Variants in PPP1R14C observed in about 807,000 individuals in gnomAD.
PPP1R14C encodes protein phosphatase 1 regulatory inhibitor subunit 14C.
Under a neutral mutation model 20.4 loss-of-function variants are expected in PPP1R14C, and 16 were observed. The observed-to-expected ratio is 0.78, with a 90% confidence interval of 0.53 to 1.19. The LOEUF (loss-of-function observed/expected upper bound fraction) is 1.19. PPP1R14C is among the 50% of genes most tolerant of loss of function. The probability of loss-of-function intolerance (pLI) is 0.00; values close to 1 mark genes in which losing one functional copy is unlikely to be tolerated. For synonymous variants in PPP1R14C, 91 were observed against 91.0 expected, an observed-to-expected ratio of 1.00 and a Z score of 0.00; for missense variants, 211 against 220.1, an observed-to-expected ratio of 0.96 and a Z score of 0.26.
chr6:150,153,041 CAAG>C (rs1304555369), intron 1 of PPP1R14C, among the ~76,000 whole-genome samples: 2 of 152,204 alleles, frequency 1.3e-5, no homozygotes, highest in Non-Finnish European at 2.9e-5. Flanking sequence ...GAAAGCACAG[CAAG>C]AAGATGGAAG....
chr6:150,197,788 C>T (rs1777824414), intron 1 of PPP1R14C, among the ~76,000 whole-genome samples: 1 of 147,730 alleles, frequency 6.8e-6, no homozygotes, highest in Non-Finnish European at 1.5e-5. Flanking sequence ...TGGAGGAGGG[C>T]CTGGATGCCC....
At chr6:150,248,687 T>C in intron 3 of PPP1R14C, 59 bp from the exon 4 acceptor site, 1 of 1,229,678 alleles carries the variant, frequency 8.1e-7, no homozygotes, top group Non-Finnish European at 1.2e-6. Flanking sequence ...TTTAAGCAGA[T>C]TTTTAAACAC....
intron 3 of PPP1R14C, among the ~76,000 whole-genome samples, chr6:150,232,366 C>G (rs1214985775): frequency 6.6e-6 from 1 of 152,160 alleles, no homozygotes; most frequent in Non-Finnish European, 1.5e-5. Context: ...TTTTCCCAAA[C>G]TGTGGAGCTT....
chr6:150,145,316 C>T (rs1359214219), intron 1 of PPP1R14C, among the ~76,000 whole-genome samples: 2 of 152,120 alleles, frequency 1.3e-5, no homozygotes, highest in East Asian at 1.9e-4. Flanking sequence ...ATCTTCAACC[C>T]GTAGCAAACA....
intron 1 of PPP1R14C, among the ~76,000 whole-genome samples, chr6:150,152,625 G>C (rs34258154): frequency 0.13 from 19,156 of 151,470 alleles, 1,573 homozygotes; most frequent in East Asian, 0.46. Context: ...GCTTGCACCT[G>C]TTCTTAGCCT....
chr6:150,147,164 G>A (rs1323294817), intron 1 of PPP1R14C, among the ~76,000 whole-genome samples: 1 of 149,970 alleles, frequency 6.7e-6, no homozygotes, highest in Non-Finnish European at 1.5e-5. Flanking sequence ...AACCCTGGTG[G>A]GTTTTTTTTG....
chr6:150,240,304 AG>A (rs1186236163), intron 3 of PPP1R14C, among the ~76,000 whole-genome samples: 10 of 152,246 alleles, frequency 6.6e-5, no homozygotes, highest in African/African-American at 2.4e-4. Context: ...TTACCAGTGG[AG>A]AATGTCCAGG....
chr6:150,241,038 G>C (rs934491409), intron 3 of PPP1R14C, among the ~76,000 whole-genome samples: 2 of 151,972 alleles, frequency 1.3e-5, no homozygotes, highest in Non-Finnish European at 2.9e-5. Flanking sequence ...TTCTAATGAG[G>C]CATGTCTTGG....
chr6:150,191,378 G>A (rs1490058104), intron 1 of PPP1R14C, among the ~76,000 whole-genome samples: 1 of 152,180 alleles, frequency 6.6e-6, no homozygotes, highest in African/African-American at 2.4e-5. Context: ...AACAATGCCT[G>A]GCATATAGCA....
At chr6:150,230,931 A>G (rs1212640380) in intron 3 of PPP1R14C, among the ~76,000 whole-genome samples, 1 of 152,234 alleles carries the variant, frequency 6.6e-6, no homozygotes, top group East Asian at 1.9e-4. Flanking sequence ...ATTACTTTGA[A>G]TGACTAGGGA....
At chr6:150,186,777 G>C (rs533119478) in intron 1 of PPP1R14C, among the ~76,000 whole-genome samples, 25 of 152,194 alleles carry the variant, frequency 1.6e-4, no homozygotes, top group African/African-American at 6.0e-4. Context: ...GGGGAAGAAA[G>C]GGGGAGAAAG....
rs146962472 is a variant in PPP1R14C at position 150,209,654 on chromosome 6, G to A, written c.307-5090G>A. 6.6e-3 allele frequency among the ~76,000 whole-genome samples: 999 copies of A among 151,588 alleles called. 11 individuals carry two copies. Among genetic ancestry groups the A allele is most frequent in the African/African-American group, 0.023 (963 of 41,244 alleles). ...TATTCATGTTTGTGTATTCATCCAT[G>A]TGTGTATTCACATGGAGTGTATGTT... is the stretch of plus-strand genomic sequence containing the variant. On this transcript the variant is annotated intron_variant, in intron 1 of 3. Coordinates refer to ENST00000361131, the MANE Select transcript of PPP1R14C (RefSeq NM_030949.3).
At chr6:150,239,613 A>C (rs952789192) in intron 3 of PPP1R14C, among the ~76,000 whole-genome samples, 3 of 152,238 alleles carry the variant, frequency 2.0e-5, no homozygotes, top group African/African-American at 7.2e-5. Flanking sequence ...AACATATAGC[A>C]GTAAATGTCT....
intron 1 of PPP1R14C, among the ~76,000 whole-genome samples, chr6:150,160,484 A>G (rs925380325): frequency 5.3e-5 from 8 of 149,712 alleles, no homozygotes; most frequent in African/African-American, 2.0e-4. Flanking sequence ...CGTGTTAGCG[A>G]GGATGGTCTC....
rs9479934 is a variant in PPP1R14C, at chr6:150,201,920, G to A, written c.307-12824G>A. 4.0e-3 allele frequency among the ~76,000 whole-genome samples: 603 copies of A among 152,262 alleles called. 3 individuals are homozygous for A. Among genetic ancestry groups the A allele is most frequent in the African/African-American group, 0.014 (568 of 41,540 alleles). ...TATTCCATGAACCGTCACATTGCCTGCATAAACATGCATTACAGGTAAACG... is the reference window on the plus strand; with the variant it reads ...TATTCCATGAACCGTCACATTGCCTACATAAACATGCATTACAGGTAAACG... On this transcript the variant is annotated intron_variant, in intron 1 of 3. Transcript: ENST00000361131. This position sits in a 1 kb window ranked among gnomAD's most constrained non-coding sequence, Gnocchi z 4.2.
intron 1 of PPP1R14C, chr6:150,195,843 C>A (rs1033979191): frequency 1.0e-6 from 1 of 985,292 alleles, no homozygotes; most frequent in Non-Finnish European, 1.2e-6. Flanking sequence ...ATGCCTAGGA[C>A]CACAGAGCTA....
intron 3 of PPP1R14C, among the ~76,000 whole-genome samples, chr6:150,232,503 A>G (rs1438124767): frequency 6.6e-6 from 1 of 152,186 alleles, no homozygotes; most frequent in Non-Finnish European, 1.5e-5. Flanking sequence ...CGTGACTGTA[A>G]GGTCTTAAAT....
At chr6:150,153,393 A>G (rs375577774) in intron 1 of PPP1R14C, among the ~76,000 whole-genome samples, 2 of 152,390 alleles carry the variant, frequency 1.3e-5, no homozygotes, top group African/African-American at 4.8e-5. Context: ...CGTAAGGCAC[A>G]GATGTATGGG....
intron 1 of PPP1R14C, among the ~76,000 whole-genome samples, chr6:150,183,485 C>A (rs554982637): frequency 6.6e-6 from 1 of 152,020 alleles, no homozygotes; most frequent in Non-Finnish European, 1.5e-5. Context: ...CATCTGACTG[C>A]GGGTTCTACC....
Sources: gnomAD v4.1 joint callset for allele counts (sites outside exome capture counted in the v4.1 genomes callset) on GRCh38, gnomAD v4.1.1 for gene constraint, Gnocchi (gnomAD v3.1) non-coding constraint, MANE v1.5 for transcripts, NCBI Gene and HGNC (gene_info 2026-07-23, HGNC 2026-07-21) for gene names.